TMEM132B: variants seen among roughly 807,000 people sequenced by gnomAD.
TMEM132B encodes transmembrane protein 132B.
A neutral mutation model predicts 90.8 loss-of-function variants in TMEM132B; 18 were observed. The ratio of observed to expected loss-of-function variants is 0.20; its 90% CI spans 0.14 to 0.29. The LOEUF (loss-of-function observed/expected upper bound fraction) is 0.29. TMEM132B is among the 10% of genes least tolerant of loss of function. The pLI is 1.00. For missense variants in TMEM132B, 1,096 were observed against 1,326.8 expected (o/e 0.83, Z 2.70); for synonymous variants, 504 against 523.3 (o/e 0.96, Z 0.50).
chr12:125,232,146 T>A (rs1423831245), intron 1 of TMEM132B, among the ~76,000 whole-genome samples: 1 of 152,222 alleles, frequency 6.6e-6, no homozygotes, highest in Non-Finnish European at 1.5e-5. Context: ...ATATTATAAT[T>A]TATTTTAAAA....
At chr12:125,271,924 A>C (rs555399424) in intron 1 of TMEM132B, among the ~76,000 whole-genome samples, 1 of 152,320 alleles carries the variant, frequency 6.6e-6, no homozygotes, top group African/African-American at 2.4e-5. Context: ...CACTACCACA[A>C]ATAGAAAGCC....
intron 7 of TMEM132B, among the ~76,000 whole-genome samples, chr12:125,651,561 G>A (rs1044027434): frequency 6.6e-6 from 1 of 152,168 alleles, no homozygotes; most frequent in Non-Finnish European, 1.5e-5. Flanking sequence ...CTATATTTTT[G>A]GCAAAGCTGG....
intron 4 of TMEM132B, among the ~76,000 whole-genome samples, chr12:125,545,570 G>C (rs11613365): frequency 0.13 from 19,308 of 152,144 alleles, 1,301 homozygotes; most frequent in South Asian, 0.18. Flanking sequence ...TGTTTTAGCC[G>C]ACCAGCATAT....
intron 2 of TMEM132B, among the ~76,000 whole-genome samples, chr12:125,394,259 C>G (rs1425132924): frequency 6.6e-6 from 1 of 152,180 alleles, no homozygotes; most frequent in Non-Finnish European, 1.5e-5. Context: ...AACAGTAGAG[C>G]CAGGATTTGA....
At chr12:125,353,041 C>T (rs1877640863) in intron 2 of TMEM132B, among the ~76,000 whole-genome samples, 4 of 152,248 alleles carry the variant, frequency 2.6e-5, no homozygotes, top group Admixed American at 2.6e-4. Flanking sequence ...AATCCAACCC[C>T]ACAGAGATTC....
At chr12:125,338,273 T>C (rs1877040490) in intron 1 of TMEM132B, among the ~76,000 whole-genome samples, 1 of 152,180 alleles carries the variant, frequency 6.6e-6, no homozygotes, top group Admixed American at 6.5e-5. Context: ...TTTTCTTTGA[T>C]CCCATGCTGT....
intron 1 of TMEM132B, among the ~76,000 whole-genome samples, chr12:125,339,264 G>A (rs1877087128): frequency 6.6e-6 from 1 of 152,198 alleles, no homozygotes; most frequent in African/African-American, 2.4e-5. Context: ...CAATTCTGGA[G>A]GCTGGAAGTC....
intron 1 of TMEM132B, among the ~76,000 whole-genome samples, chr12:125,284,526 TTA>T (rs1875293525): frequency 6.6e-6 from 1 of 152,216 alleles, no homozygotes; most frequent in South Asian, 2.1e-4. Context: ...TGTGCTTTTG[TTA>T]AACCTGAACT....
At chr12:125,206,746 C>T (rs1357787060) in intron 1 of TMEM132B, among the ~76,000 whole-genome samples, 5 of 152,292 alleles carry the variant, frequency 3.3e-5, no homozygotes, top group Middle Eastern at 3.4e-3. Flanking sequence ...TTCATTCATT[C>T]GCTCTGCTCC....
At chr12:125,592,849 G>A (rs1885350916) in intron 5 of TMEM132B, among the ~76,000 whole-genome samples, 1 of 152,190 alleles carries the variant, frequency 6.6e-6, no homozygotes, top group Non-Finnish European at 1.5e-5. Context: ...ACGAACAAGT[G>A]TGGTAGGTAG....
intron 5 of TMEM132B, among the ~76,000 whole-genome samples, chr12:125,640,076 C>T (rs1280298207): frequency 6.6e-6 from 1 of 152,172 alleles, no homozygotes; most frequent in African/African-American, 2.4e-5. Context: ...TTCCTGTCGT[C>T]AGTTCCCACA....
At chr12:125,361,231 TC>T (rs1313780124) in intron 2 of TMEM132B, among the ~76,000 whole-genome samples, 2 of 151,910 alleles carry the variant, frequency 1.3e-5, no homozygotes, top group East Asian at 3.9e-4. Flanking sequence ...TCATCACTCA[TC>T]CTCAGGACAG....
intron 5 of TMEM132B, among the ~76,000 whole-genome samples, chr12:125,639,313 T>C (rs1222199242): frequency 6.6e-6 from 1 of 152,254 alleles, no homozygotes; most frequent in South Asian, 2.1e-4. Flanking sequence ...GAAATCACTT[T>C]CACTTTTCTT....
In TMEM132B at chr12:125,654,572, C is replaced by G. The variant is rs768053887; in HGVS notation, c.3114C>G (p.Leu1038=). The G allele has an allele frequency of 1.6e-5, 26 of 1,614,054 alleles. No homozygotes were observed. The highest frequency in any genetic ancestry group is 2.1e-5 in the Non-Finnish European group (25 of 1,180,052). Residue 1038 remains leucine (L), a synonymous_variant, in exon 9 of 9, where the codon CTC becomes CTG. Transcript: ENST00000682704. The surrounding 1 kb of genome is among the most constrained non-coding windows in gnomAD (Gnocchi z 5.8). ...RVKFTSYTTI[L]PEDGGPYTNS... ...AGTTCACTTCCTACACCACCATCCTCCCAGAGGACGGCGGCCCATACACCA... is the reference window on the plus strand; with the variant it reads ...AGTTCACTTCCTACACCACCATCCTGCCAGAGGACGGCGGCCCATACACCA...
intron 2 of TMEM132B, among the ~76,000 whole-genome samples, chr12:125,403,704 T>C (rs1240289895): frequency 6.6e-6 from 1 of 152,080 alleles, no homozygotes; most frequent in Non-Finnish European, 1.5e-5. Flanking sequence ...AATAGTTTGG[T>C]TTTAGGTTTG....
intron 1 of TMEM132B, among the ~76,000 whole-genome samples, chr12:125,255,441 C>T (rs1224130848): frequency 2.0e-5 from 3 of 152,200 alleles, no homozygotes; most frequent in East Asian, 1.9e-4. Flanking sequence ...TGATTCTGTT[C>T]AAGGTGACTG....
At chr12:125,514,681 A>G (rs1883062576) in intron 3 of TMEM132B, among the ~76,000 whole-genome samples, 1 of 152,212 alleles carries the variant, frequency 6.6e-6, no homozygotes, top group African/African-American at 2.4e-5. Flanking sequence ...GCTGGAGAAC[A>G]GTTCAAGCTT....
chr12:125,422,040 T>C (rs77830060), intron 3 of TMEM132B, among the ~76,000 whole-genome samples: 1 of 152,350 alleles, frequency 6.6e-6, no homozygotes, highest in Non-Finnish European at 1.5e-5. Flanking sequence ...GAACATGTAA[T>C]ATGTCTTTGA....
At chr12:125,524,675 C>G (rs1016709267) in intron 4 of TMEM132B, among the ~76,000 whole-genome samples, 7 of 152,220 alleles carry the variant, frequency 4.6e-5, no homozygotes, top group Non-Finnish European at 4.4e-5. Context: ...TCATCATTGT[C>G]ATTGTGTTAT....
Sources: allele counts gnomAD v4.1 joint callset (sites outside exome capture counted in the v4.1 genomes callset), GRCh38; gene constraint gnomAD v4.1.1; non-coding constraint Gnocchi (gnomAD v3.1); transcripts MANE v1.5; gene names NCBI Gene and HGNC (gene_info 2026-07-23, HGNC 2026-07-21).